Variants in PRKG1 observed in about 807,000 individuals in gnomAD.
The protein encoded by PRKG1 is cGMP-dependent protein kinase 1.
In PRKG1, 35 loss-of-function variants were observed where a neutral mutation model predicts 88.1. That is an observed-to-expected ratio of 0.40 (90% CI 0.30 to 0.53). The LOEUF is 0.53. PRKG1 is among the 20% of genes least tolerant of loss of function. The probability of loss-of-function intolerance (pLI) is 0.59; values close to 1 mark genes in which losing one functional copy is unlikely to be tolerated. For synonymous variants in PRKG1, 303 were observed against 292.5 expected (o/e 1.04, Z -0.37); for missense variants, 540 against 839.8 (o/e 0.64, Z 4.41).
chr10:51,152,493 A>G (rs1015097060), intron 1 of PRKG1, among the ~76,000 whole-genome samples: 4 of 152,176 alleles, frequency 2.6e-5, no homozygotes, highest in Admixed American at 2.6e-4. Context: ...GAGCAGTATT[A>G]TCTCCCACCA....
At chr10:52,216,331 G>C (rs969308587) in intron 9 of PRKG1, among the ~76,000 whole-genome samples, 9 of 152,162 alleles carry the variant, frequency 5.9e-5, no homozygotes, top group Non-Finnish European at 1.3e-4. Context: ...TCAGTCAACA[G>C]GCTCCTGGGC....
intron 3 of PRKG1, among the ~76,000 whole-genome samples, chr10:51,630,994 C>T (rs1407260035): frequency 6.6e-6 from 1 of 152,188 alleles, no homozygotes; most frequent in Non-Finnish European, 1.5e-5. Context: ...TTTAATTCAG[C>T]ATGCTTGGTC....
rs187962920 is a variant in PRKG1 at position 51,265,049 on chromosome 10, G to C, written c.478+111719G>C. On this transcript the variant is annotated intron_variant, in intron 2 of 17. Transcript: ENST00000373980. ...AAACACACAGGTTTCAGATAATGAG[G>C]CTACTTTTCTTATATAACCAGTAAG... Among the ~76,000 whole-genome samples, 214 of 151,998 alleles carry C rather than the reference G, an allele frequency of 1.4e-3. 1 individual carries two copies. The highest frequency in any genetic ancestry group is 4.9e-3 in the African/African-American group (203 of 41,488).
intron 9 of PRKG1, among the ~76,000 whole-genome samples, chr10:52,189,895 A>G (rs559937342): frequency 6.6e-6 from 1 of 152,244 alleles, no homozygotes; most frequent in Admixed American, 6.5e-5. Context: ...TTAGAGCCAC[A>G]TCTTTAATAA....
intron 5 of PRKG1, among the ~76,000 whole-genome samples, chr10:51,919,414 T>C (rs185669648): frequency 2.0e-3 from 306 of 152,298 alleles, no homozygotes; most frequent in African/African-American, 7.1e-3. Flanking sequence ...TGAGCTCCTC[T>C]TCACTCTCTG....
chr10:51,356,341 G>A (rs896816384), intron 2 of PRKG1, among the ~76,000 whole-genome samples: 2 of 151,926 alleles, frequency 1.3e-5, no homozygotes, highest in African/African-American at 4.8e-5. Context: ...CCATGCTCAG[G>A]GAGAAAAATC....
rs542592127 is a variant in PRKG1, at chr10:51,853,049, T to G, written c.698+48359T>G. ...TGGTGTACACATATACAAAACATGG[T>G]GATATATTTATGTTTTATAGATGAT... is the stretch of plus-strand genomic sequence containing the variant. On this transcript the variant is annotated intron_variant, in intron 4 of 17. Transcript: ENST00000373980. Among the ~76,000 whole-genome samples the G allele has an allele frequency of 3.3e-5, 5 of 152,166 alleles. No homozygotes were observed. The South Asian group carries it at 1.0e-3, about 32-fold the overall frequency.
chr10:52,219,604 T>C (rs1285296454), intron 9 of PRKG1, among the ~76,000 whole-genome samples: 1 of 150,440 alleles, frequency 6.6e-6, no homozygotes, highest in Non-Finnish European at 1.5e-5. Flanking sequence ...AAGAAGGAGA[T>C]GTAGTTGGGA....
chr10:52,208,381 G>A (rs1839875284), intron 9 of PRKG1, among the ~76,000 whole-genome samples: 1 of 152,144 alleles, frequency 6.6e-6, no homozygotes, highest in African/African-American at 2.4e-5. Context: ...TAAAAGCACT[G>A]ACAAGACCTA....
At chr10:51,964,494 T>G (rs1195326647) in intron 5 of PRKG1, among the ~76,000 whole-genome samples, 1 of 152,212 alleles carries the variant, frequency 6.6e-6, no homozygotes, top group Non-Finnish European at 1.5e-5. Context: ...TGATTACAAA[T>G]TTGGCAGAGC....
intron 1 of PRKG1, among the ~76,000 whole-genome samples, chr10:51,018,295 C>A (rs773243097): frequency 4.6e-5 from 7 of 152,040 alleles, no homozygotes; most frequent in Non-Finnish European, 7.4e-5. Flanking sequence ...TCATTTTCTT[C>A]TGGCTTGCAT....
intron 4 of PRKG1, among the ~76,000 whole-genome samples, chr10:51,832,822 C>T (rs1377235861): frequency 6.6e-6 from 1 of 152,128 alleles, no homozygotes; most frequent in Admixed American, 6.5e-5. Context: ...GGAGGAAATG[C>T]ATGATGATCA....
At chr10:51,098,657 G>T (rs1010767732) in intron 1 of PRKG1, among the ~76,000 whole-genome samples, 3 of 152,074 alleles carry the variant, frequency 2.0e-5, no homozygotes, top group Admixed American at 1.3e-4. Context: ...TCTAACAGGG[G>T]AACAAATTAA....
intron 3 of PRKG1, among the ~76,000 whole-genome samples, chr10:51,511,986 A>G (rs1033736497): frequency 5.9e-5 from 9 of 152,156 alleles, no homozygotes; most frequent in Non-Finnish European, 2.9e-5. Flanking sequence ...ACTCAAATGA[A>G]CTAAAAAATA....
intron 2 of PRKG1, among the ~76,000 whole-genome samples, chr10:51,238,979 TAGTA>T (rs1839077655): frequency 6.6e-6 from 1 of 152,000 alleles, no homozygotes; most frequent in Admixed American, 6.6e-5. Flanking sequence ...AACAGGAATA[TAGTA>T]AGCTTAAGAT....
chr10:52,188,390 C>T (rs1257480548), intron 9 of PRKG1, among the ~76,000 whole-genome samples: 1 of 148,298 alleles, frequency 6.7e-6, no homozygotes, highest in Non-Finnish European at 1.5e-5. Flanking sequence ...AGTCTGTTGC[C>T]CAGGCTAGAG....
At chr10:51,084,526 A>G (rs1337777327) in intron 1 of PRKG1, among the ~76,000 whole-genome samples, 1 of 152,230 alleles carries the variant, frequency 6.6e-6, no homozygotes, top group Non-Finnish European at 1.5e-5. Context: ...ATTAAACTTC[A>G]GATTTGCTTT....
upstream of PRKG1, among the ~76,000 whole-genome samples, chr10:51,070,470 T>C (rs920644603): frequency 2.6e-5 from 4 of 152,144 alleles, no homozygotes; most frequent in Admixed American, 2.6e-4. Context: ...AGCTATATAT[T>C]TGTTTGTTTA....
At chr10:51,604,698 C>G in intron 3 of PRKG1, among the ~76,000 whole-genome samples, 1 of 152,196 alleles carries the variant, frequency 6.6e-6, no homozygotes, top group Non-Finnish European at 1.5e-5. Flanking sequence ...TGGCTCACTT[C>G]TTCGGTGCCC....
Sources: allele counts gnomAD v4.1 joint callset (sites outside exome capture counted in the v4.1 genomes callset), GRCh38; gene constraint gnomAD v4.1.1; transcripts MANE v1.5; gene names NCBI Gene and HGNC (gene_info 2026-07-23, HGNC 2026-07-21).